The following WWOX variants were observed in gnomAD, a reference collection of about 807,000 sequenced individuals.
WWOX encodes WW domain containing oxidoreductase.
A neutral mutation model predicts 46.2 loss-of-function variants in WWOX; 69 were observed. That is an observed-to-expected ratio of 1.49 (90% CI 1.23 to 1.82). WWOX has a LOEUF of 1.82. Ranked by LOEUF, WWOX falls within the 40% of genes most tolerant of loss-of-function variation. The pLI is 0.00. For missense variants in WWOX, 919 were observed against 542.6 expected, an observed-to-expected ratio of 1.69 and a Z score of -6.89; for synonymous variants, 359 against 202.6, an observed-to-expected ratio of 1.77 and a Z score of -6.56.
intron 8 of WWOX, among the ~76,000 whole-genome samples, chr16:79,124,881 A>T (rs1368978175): frequency 6.6e-6 from 1 of 152,146 alleles, no homozygotes; most frequent in Non-Finnish European, 1.5e-5. Flanking sequence ...ATCTTGCCAG[A>T]CCCTTACATA....
At chr16:78,431,497 A>G (rs1199970449) in intron 7 of WWOX, among the ~76,000 whole-genome samples, 2 of 152,174 alleles carry the variant, frequency 1.3e-5, no homozygotes, top group Admixed American at 6.6e-5. Flanking sequence ...AAGGTTAGGA[A>G]TGTGATATCT....
chr16:79,031,946 CTGTA>C (rs1399260863), intron 8 of WWOX, among the ~76,000 whole-genome samples: 1 of 138,464 alleles, frequency 7.2e-6, no homozygotes, highest in African/African-American at 2.6e-5. Context: ...ATACAGATAT[CTGTA>C]TATATATATA....
intron 8 of WWOX, among the ~76,000 whole-genome samples, chr16:78,990,540 C>G (rs956137724): frequency 9.2e-5 from 14 of 152,356 alleles, no homozygotes; most frequent in Non-Finnish European, 1.5e-4. Flanking sequence ...CTGACAACAG[C>G]TCTTTGTTTA....
At chr16:78,267,825 T>A (rs2079399269) in intron 5 of WWOX, among the ~76,000 whole-genome samples, 1 of 152,044 alleles carries the variant, frequency 6.6e-6, no homozygotes, top group African/African-American at 2.4e-5. Flanking sequence ...GGCTCATCTC[T>A]GCCTGCCGGG....
At chr16:78,355,730 G>T in intron 5 of WWOX, 3 of 725,784 alleles carry the variant, frequency 4.1e-6, no homozygotes, top group Non-Finnish European at 7.1e-6. Context: ...AATTGATGAG[G>T]AAACATATGA....
chr16:78,635,695 G>T (rs2550617), intron 8 of WWOX, among the ~76,000 whole-genome samples: 1 of 152,138 alleles, frequency 6.6e-6, no homozygotes, highest in African/African-American at 2.4e-5. Flanking sequence ...TCACTACTTA[G>T]CGCTGTCAAC....
intron 4 of WWOX, among the ~76,000 whole-genome samples, chr16:78,153,589 G>T (rs1002782941): frequency 6.6e-5 from 10 of 152,186 alleles, no homozygotes; most frequent in Non-Finnish European, 1.3e-4. Context: ...GATCGTTTTA[G>T]TGCTATGTTT....
At chr16:78,745,774 C>G (rs1195852743) in intron 8 of WWOX, among the ~76,000 whole-genome samples, 1 of 151,406 alleles carries the variant, frequency 6.6e-6, no homozygotes, top group African/African-American at 2.4e-5. Context: ...TTTCCCCCCC[C>G]TTCAAATAGT....
At chr16:78,506,180 C>T (rs555372910) in intron 8 of WWOX, among the ~76,000 whole-genome samples, 60 of 152,292 alleles carry the variant, frequency 3.9e-4, no homozygotes, top group Non-Finnish European at 7.1e-4. Context: ...CACCAGAAAT[C>T]GGAGGCAGCC....
intron 8 of WWOX, among the ~76,000 whole-genome samples, chr16:78,563,194 A>T (rs1192882314): frequency 6.6e-6 from 1 of 152,220 alleles, no homozygotes; most frequent in Non-Finnish European, 1.5e-5. Context: ...GGGAAAATAA[A>T]TCATAATTTA....
At chr16:78,410,992 A>G (rs2082667723) in intron 6 of WWOX, among the ~76,000 whole-genome samples, 1 of 152,124 alleles carries the variant, frequency 6.6e-6, no homozygotes, top group African/African-American at 2.4e-5. Flanking sequence ...GGGCCTCTTC[A>G]TGGGGCAGTT....
chr16:79,081,273 C>T (rs567386167), intron 8 of WWOX, among the ~76,000 whole-genome samples: 2 of 152,276 alleles, frequency 1.3e-5, no homozygotes, highest in African/African-American at 4.8e-5. Flanking sequence ...AAGTGATTCT[C>T]CTGTCTCAGC....
intron 8 of WWOX, among the ~76,000 whole-genome samples, chr16:79,079,403 G>A (rs8056026): frequency 5.9e-5 from 9 of 151,830 alleles, no homozygotes; most frequent in East Asian, 1.9e-4. Context: ...CCATCAATCC[G>A]GTATCCATTC....
chr16:78,504,181 G>C (rs534386807), intron 8 of WWOX, among the ~76,000 whole-genome samples: 9 of 152,150 alleles, frequency 5.9e-5, no homozygotes, highest in African/African-American at 2.2e-4. Context: ...GAAATACCAG[G>C]TGTATAGAAA....
chr16:78,598,865 G>C (rs1210108964), intron 8 of WWOX, among the ~76,000 whole-genome samples: 3 of 152,170 alleles, frequency 2.0e-5, no homozygotes, highest in African/African-American at 4.8e-5. Flanking sequence ...TTAGTGAGCA[G>C]CTACTCTGCC....
At chr16:78,805,180 A>G (rs909740016) in intron 8 of WWOX, among the ~76,000 whole-genome samples, 45 of 152,214 alleles carry the variant, frequency 3.0e-4, no homozygotes, top group Admixed American at 8.5e-4. Context: ...TTTAACCAAG[A>G]AAGGAAAAGT....
At chr16:78,267,315 T>C (rs1243551010) in intron 5 of WWOX, among the ~76,000 whole-genome samples, 1 of 152,244 alleles carries the variant, frequency 6.6e-6, no homozygotes, top group Non-Finnish European at 1.5e-5. Context: ...GTGGAGTGCT[T>C]AATGTGGTCA....
chr16:78,866,912 T>C (rs377252680), intron 8 of WWOX, among the ~76,000 whole-genome samples: 3 of 152,202 alleles, frequency 2.0e-5, no homozygotes, highest in East Asian at 1.9e-4. Flanking sequence ...GCAAACTCTT[T>C]CTTTGGTCTG....
chr16:78,845,362 G>A (rs189766585), intron 8 of WWOX, among the ~76,000 whole-genome samples: 35 of 152,076 alleles, frequency 2.3e-4, no homozygotes, highest in Admixed American at 1.8e-3. Flanking sequence ...CACAGACCAC[G>A]GCCATTCTGA....
Sources: gnomAD v4.1 joint callset for allele counts (sites outside exome capture counted in the v4.1 genomes callset) on GRCh38, gnomAD v4.1.1 for gene constraint, MANE v1.5 for transcripts, NCBI Gene and HGNC (gene_info 2026-07-23, HGNC 2026-07-21) for gene names.